LDB2: variants seen among roughly 807,000 people sequenced by gnomAD.
LDB2 encodes LIM domain-binding protein 2.
A neutral mutation model predicts 44.3 loss-of-function variants in LDB2; 12 were observed. The observed-to-expected ratio is 0.27, with a 90% confidence interval of 0.17 to 0.44. The LOEUF is 0.44. LDB2 is among the 20% of genes least tolerant of loss of function. The pLI, the probability that LDB2 is intolerant of heterozygous loss-of-function variation, is 1.00. For synonymous variants in LDB2, 164 were observed against 174.8 expected, an observed-to-expected ratio of 0.94 and a Z score of 0.49; for missense variants, 344 against 473.5, an observed-to-expected ratio of 0.73 and a Z score of 2.54.
intron 5 of LDB2, among the ~76,000 whole-genome samples, chr4:16,547,475 T>G (rs1028213668): frequency 3.9e-5 from 6 of 152,204 alleles, no homozygotes; most frequent in African/African-American, 1.4e-4. Context: ...AGACTCCCAA[T>G]TTTAGAGCTT....
At chr4:16,696,263 C>A (rs565829816) in intron 2 of LDB2, among the ~76,000 whole-genome samples, 1 of 152,170 alleles carries the variant, frequency 6.6e-6, no homozygotes, top group Non-Finnish European at 1.5e-5. Flanking sequence ...ATGTGGTGGG[C>A]TGCCCTTCCA....
intron 1 of LDB2, among the ~76,000 whole-genome samples, chr4:16,847,761 C>T (rs1017678711): frequency 9.9e-5 from 15 of 152,134 alleles, no homozygotes; most frequent in Non-Finnish European, 1.9e-4. Flanking sequence ...GGGCTACAGG[C>T]GCCCGCCACA....
intron 2 of LDB2, among the ~76,000 whole-genome samples, chr4:16,641,014 T>C (rs1051555518): frequency 6.6e-6 from 1 of 152,152 alleles, no homozygotes; most frequent in Non-Finnish European, 1.5e-5. Flanking sequence ...GGACACCAGT[T>C]CCAAATGATG....
At chr4:16,823,293 G>A (rs1350991883) in intron 1 of LDB2, among the ~76,000 whole-genome samples, 1 of 152,210 alleles carries the variant, frequency 6.6e-6, no homozygotes, top group Non-Finnish European at 1.5e-5. Context: ...ACGTTTGAAT[G>A]TTGGTCTTCT....
intron 5 of LDB2, among the ~76,000 whole-genome samples, chr4:16,555,995 C>G (rs1739435062): frequency 6.6e-6 from 1 of 152,166 alleles, no homozygotes; most frequent in South Asian, 2.1e-4. Context: ...GATCCTCTAG[C>G]ATGGCAGAGG....
chr4:16,562,511 A>G (rs1402340504), intron 5 of LDB2, among the ~76,000 whole-genome samples: 2 of 152,340 alleles, frequency 1.3e-5, no homozygotes, highest in African/African-American at 4.8e-5. Flanking sequence ...CAAAACCACA[A>G]TGAGATACCA....
intron 5 of LDB2, among the ~76,000 whole-genome samples, chr4:16,579,593 G>A (rs1713460329): frequency 6.6e-6 from 1 of 152,188 alleles, no homozygotes. Context: ...CTAGAGAGAT[G>A]TGAGGGCCTC....
chr4:16,896,732 A>G (rs968570604), intron 1 of LDB2, among the ~76,000 whole-genome samples: 2 of 152,206 alleles, frequency 1.3e-5, no homozygotes, highest in African/African-American at 4.8e-5. Flanking sequence ...TGCCTGAACT[A>G]TAAGACATTT....
At chr4:16,506,671 T>C (rs572056279) in intron 7 of LDB2, 1 of 152,272 alleles carries the variant, frequency 6.6e-6, no homozygotes, top group South Asian at 2.1e-4. Flanking sequence ...AATACCATAC[T>C]CTGAGGGCTG....
At chr4:16,867,509 T>C (rs35327118) in intron 1 of LDB2, among the ~76,000 whole-genome samples, 40,388 of 151,996 alleles carry the variant, frequency 0.27, 6,118 homozygotes, top group East Asian at 0.68. Flanking sequence ...TGTTCTTTCA[T>C]GCCAATAGAA....
At chr4:16,560,562 G>A (rs576627325) in intron 5 of LDB2, among the ~76,000 whole-genome samples, 1 of 152,318 alleles carries the variant, frequency 6.6e-6, no homozygotes, top group Non-Finnish European at 1.5e-5. Context: ...CTCTGAAATT[G>A]TGGCAATAAT....
At chr4:16,635,675 G>GA (rs34681655) in intron 2 of LDB2, among the ~76,000 whole-genome samples, 71,551 of 150,884 alleles carry the variant, frequency 0.47, 17,185 homozygotes, top group Middle Eastern at 0.66. Flanking sequence ...AGAAGGAAAA[G>GA]AAAAAAAAAT....
chr4:16,561,739 C>T (rs577218415), intron 5 of LDB2, among the ~76,000 whole-genome samples: 1 of 152,168 alleles, frequency 6.6e-6, no homozygotes, highest in East Asian at 1.9e-4. Flanking sequence ...CACATGGAAC[C>T]AAAAAAGAGC....
intron 2 of LDB2, among the ~76,000 whole-genome samples, chr4:16,686,158 C>A (rs1749187725): frequency 6.6e-6 from 1 of 152,110 alleles, no homozygotes; most frequent in South Asian, 2.1e-4. Context: ...CAGAGAGTAA[C>A]CATAAATGAG....
intron 2 of LDB2, among the ~76,000 whole-genome samples, chr4:16,689,351 T>TC (rs1750039004): frequency 6.6e-6 from 1 of 152,158 alleles, no homozygotes; most frequent in Non-Finnish European, 1.5e-5. Flanking sequence ...TCCTACCGAT[T>TC]CCTTAAGATC....
At chr4:16,626,654 A>G (rs1365721728) in intron 2 of LDB2, 1 of 150,980 alleles carries the variant, frequency 6.6e-6, no homozygotes, top group African/African-American at 2.4e-5. Flanking sequence ...TTTTTCATTT[A>G]CTAGCTCTGT....
intron 2 of LDB2, among the ~76,000 whole-genome samples, chr4:16,627,896 C>T (rs967664739): frequency 6.6e-6 from 1 of 152,174 alleles, no homozygotes; most frequent in Admixed American, 6.5e-5. Flanking sequence ...TGAGGACTGG[C>T]CTGAACACCT....
intron 1 of LDB2, among the ~76,000 whole-genome samples, chr4:16,811,070 C>T (rs1779764680): frequency 2.0e-5 from 3 of 152,128 alleles, no homozygotes; most frequent in Admixed American, 6.5e-5. Flanking sequence ...TCCATAATAG[C>T]GTTTGCACTC....
At chr4:16,589,129 C>A (rs544106561) in intron 3 of LDB2, among the ~76,000 whole-genome samples, 1 of 152,262 alleles carries the variant, frequency 6.6e-6, no homozygotes, top group African/African-American at 2.4e-5. Flanking sequence ...AGATAAAACC[C>A]ATCTTATAGT....
Sources: gnomAD v4.1 joint callset for allele counts (sites outside exome capture counted in the v4.1 genomes callset) on GRCh38, gnomAD v4.1.1 for gene constraint, MANE v1.5 for transcripts, NCBI Gene and HGNC (gene_info 2026-07-23, HGNC 2026-07-21) for gene names.